TMEM44: variants seen among roughly 807,000 people sequenced by gnomAD.
TMEM44 encodes transmembrane protein 44.
Under a neutral mutation model 47.8 loss-of-function variants are expected in TMEM44, and 43 were observed. That is an observed-to-expected ratio of 0.90 (90% CI 0.70 to 1.16). TMEM44 has a LOEUF of 1.16. Ranked by LOEUF, TMEM44 falls within the 50% of genes most tolerant of loss-of-function variation. The pLI is 0.00. For missense variants in TMEM44, 568 were observed against 555.2 expected, an observed-to-expected ratio of 1.02 and a Z score of -0.23; for synonymous variants, 277 against 238.8, an observed-to-expected ratio of 1.16 and a Z score of -1.48.
intron 9 of TMEM44, among the ~76,000 whole-genome samples, chr3:194,603,721 A>G (rs554917557): frequency 2.0e-5 from 3 of 152,192 alleles, no homozygotes; most frequent in Admixed American, 6.5e-5. Flanking sequence ...TAAAAAATGT[A>G]TTGTTCATTC....
At chr3:194,600,695 G>A (rs1331474142) in intron 9 of TMEM44, among the ~76,000 whole-genome samples, 1 of 152,090 alleles carries the variant, frequency 6.6e-6, no homozygotes, top group Non-Finnish European at 1.5e-5. Flanking sequence ...AGATTGCAGT[G>A]AGCCGAGACT....
chr3:194,631,001 T>C (rs1705987), intron 1 of TMEM44, among the ~76,000 whole-genome samples: 111,306 of 122,738 alleles, frequency 0.91, 50,437 homozygotes, highest in East Asian at 0.97. Context: ...AATACGCTGT[T>C]GTACCTGCCT....
chr3:194,622,692 G>A (rs1226030300), intron 5 of TMEM44: 1 of 152,440 alleles, frequency 6.6e-6, no homozygotes, highest in Non-Finnish European at 1.5e-5. Context: ...GGGATTACAA[G>A]CATGCACCAC....
intron 8 of TMEM44, among the ~76,000 whole-genome samples, chr3:194,606,333 C>T (rs985326277): frequency 6.6e-6 from 1 of 152,178 alleles, no homozygotes; most frequent in Non-Finnish European, 1.5e-5. Context: ...CTGCAGCTCT[C>T]CTTACCCATT....
At position 194,628,377 on chromosome 3, in the gene TMEM44, A is replaced by G. The variant is rs958386478; in HGVS notation, c.264+6T>C. Reference sequence around the variant, plus strand: ...TAAGCCACTGTCAGCTGGAGGCCCAACATACCTGGATTGTGAGCTGTCTGG... The same window carrying G: ...TAAGCCACTGTCAGCTGGAGGCCCAGCATACCTGGATTGTGAGCTGTCTGG... On this transcript the variant is annotated splice_donor_region_variant and intron_variant, in intron 2 of 9. Coordinates refer to ENST00000347147, the MANE Select transcript of TMEM44 (RefSeq NM_001011655.3). The G allele has an allele frequency of 5.6e-6, 9 of 1,609,440 alleles. No homozygotes were observed. Among genetic ancestry groups the G allele is most frequent in the East Asian group, 2.2e-5 (1 of 44,764 alleles).
chr3:194,619,815 C>T (rs964108196), intron 5 of TMEM44, among the ~76,000 whole-genome samples: 3 of 152,184 alleles, frequency 2.0e-5, no homozygotes, highest in East Asian at 1.9e-4. Flanking sequence ...CCTAGAAATA[C>T]GGCATGTTTC....
At chr3:194,600,373 T>G (rs1161442669) in intron 9 of TMEM44, among the ~76,000 whole-genome samples, 1 of 151,772 alleles carries the variant, frequency 6.6e-6, no homozygotes, top group Non-Finnish European at 1.5e-5. Flanking sequence ...TCCACCTGTC[T>G]CGGCCTGTCT....
intron 9 of TMEM44, chr3:194,589,198 C>G (rs115622991): frequency 0.02 from 3,017 of 153,816 alleles, 85 homozygotes; most frequent in Admixed American, 0.062. Flanking sequence ...TAAAGTCTTG[C>G]AATGTTGCCC....
intron 1 of TMEM44, among the ~76,000 whole-genome samples, chr3:194,630,081 C>T (rs1333973093): frequency 4.4e-5 from 5 of 114,822 alleles, no homozygotes; most frequent in African/African-American, 1.7e-4. Flanking sequence ...GTCGTACCTG[C>T]CTCCCGAAGG....
intron 9 of TMEM44, among the ~76,000 whole-genome samples, 158 bp from the exon 10 acceptor site, chr3:194,588,797 C>T (rs1327691245): frequency 6.6e-6 from 1 of 152,176 alleles, no homozygotes; most frequent in African/African-American, 2.4e-5. Context: ...GCCTGTGTTT[C>T]TGGGACCTAA....
chr3:194,623,999 G>T (rs996556547), intron 3 of TMEM44, among the ~76,000 whole-genome samples: 3 of 152,090 alleles, frequency 2.0e-5, no homozygotes, highest in Non-Finnish European at 4.4e-5. Flanking sequence ...GCCTCTTCTG[G>T]ACTAGAGCGC....
intron 9 of TMEM44, among the ~76,000 whole-genome samples, chr3:194,603,156 C>T (rs1459179084): frequency 6.6e-6 from 1 of 152,204 alleles, no homozygotes; most frequent in Non-Finnish European, 1.5e-5. Flanking sequence ...CTGGGAACCA[C>T]AGCGGTGGGA....
At chr3:194,591,067 G>C (rs562623596) in intron 9 of TMEM44, among the ~76,000 whole-genome samples, 1 of 150,820 alleles carries the variant, frequency 6.6e-6, no homozygotes, top group Admixed American at 6.6e-5. Flanking sequence ...AGTGGTGGGC[G>C]CCCGTAATCC....
At chr3:194,614,822 G>A (rs1377930553) in intron 7 of TMEM44, among the ~76,000 whole-genome samples, 1 of 152,200 alleles carries the variant, frequency 6.6e-6, no homozygotes, top group Non-Finnish European at 1.5e-5. Flanking sequence ...CATCTACATT[G>A]CTAAAAATAT....
At chr3:194,591,438 G>A (rs1254387598) in intron 9 of TMEM44, among the ~76,000 whole-genome samples, 1 of 152,168 alleles carries the variant, frequency 6.6e-6, no homozygotes, top group Admixed American at 6.5e-5. Context: ...AGGTTGCAGT[G>A]AGCCGAGATC....
At position 194,588,392 on chromosome 3, in the gene TMEM44, A is replaced by G; in HGVS notation, c.*137T>C. On this transcript the variant is annotated 3_prime_UTR_variant, in exon 10 of 10. Coordinates refer to ENST00000347147, the MANE Select transcript of TMEM44 (RefSeq NM_001011655.3). ...GCTATGATGTAGCCCAGCCACACTC[A>G]GTGACGGCTCCTGGTTCCTCACTTG... The G allele has an allele frequency of 2.8e-6, 2 of 704,106 alleles. No individual in the cohort carries two copies. Among genetic ancestry groups the G allele is most frequent in the Non-Finnish European group, 4.8e-6 (2 of 416,636 alleles). The allele number at this position is 704,106 out of a possible 1,614,324, so 43.6% of individuals were successfully genotyped here.
rs563025026 is a variant in TMEM44, at chr3:194,588,721, G to C, written c.1177-82C>G. On this transcript the variant is annotated intron_variant, in intron 9 of 9. Transcript: ENST00000347147. ...GTCATAACCCCTGACCCAAACAAAAGCTCCAATCTTGGTTCTCATGATCCA... is the reference window on the plus strand; with the variant it reads ...GTCATAACCCCTGACCCAAACAAAACCTCCAATCTTGGTTCTCATGATCCA... 113 of 1,348,496 alleles carry C rather than the reference G, an allele frequency of 8.4e-5. No homozygotes were observed. In the African/African-American group the frequency reaches 1.6e-3, roughly 19 times the overall value. The allele number at this position is 1,348,496 out of a possible 1,614,324, so 83.5% of individuals were successfully genotyped here. A position where few individuals can be genotyped will look rare whatever the true frequency, so the allele number is the denominator to read the frequency against.
At position 194,593,196 on chromosome 3, in the gene TMEM44, T is replaced by C. The variant is rs532802907; in HGVS notation, c.1177-4557A>G. ...AGCCAGGAGACAGGCCCTTAGATGGTTGGGGGCAAAGGAACAGGTGACTTC... is the reference window on the plus strand; with the variant it reads ...AGCCAGGAGACAGGCCCTTAGATGGCTGGGGGCAAAGGAACAGGTGACTTC... On this transcript the variant is annotated intron_variant, in intron 9 of 9. Transcript: ENST00000347147. 4.8e-5 allele frequency: 47 copies of C among 981,400 alleles called. 1 individual carries two copies. The highest frequency in any genetic ancestry group is 3.1e-4 in the Admixed American group (17 of 54,484). The allele number at this position is 981,400 out of a possible 1,614,324, so 60.8% of individuals were successfully genotyped here. A position where few individuals can be genotyped will look rare whatever the true frequency, so the allele number is the denominator to read the frequency against.
chr3:194,588,691 C>T (rs577336392), intron 9 of TMEM44, 52 bp from the exon 10 acceptor site: 1 of 1,533,034 alleles, frequency 6.5e-7, no homozygotes, highest in South Asian at 1.1e-5. Flanking sequence ...AGATGCTTCT[C>T]ATCTGTCATA....
Sources: gnomAD v4.1 joint callset for allele counts (sites outside exome capture counted in the v4.1 genomes callset) on GRCh38, gnomAD v4.1.1 for gene constraint, MANE v1.5 for transcripts, NCBI Gene and HGNC (gene_info 2026-07-23, HGNC 2026-07-21) for gene names.